Variants in ROBO2 observed in about 807,000 individuals in gnomAD.
The protein encoded by ROBO2 is roundabout homolog 2.
In ROBO2, 53 loss-of-function variants were observed where a neutral mutation model predicts 160.8. That is an observed-to-expected ratio of 0.33 (90% CI 0.26 to 0.41). The LOEUF (loss-of-function observed/expected upper bound fraction) is 0.41, where lower values mean the gene tolerates loss of function less well. Among genes scored for constraint, ROBO2 ranks in the 10% least tolerant of loss-of-function variants. The pLI, the probability that ROBO2 is intolerant of heterozygous loss-of-function variation, is 1.00. For missense variants in ROBO2, 1,577 were observed against 1,722.4 expected (o/e 0.92, Z 1.49); for synonymous variants, 664 against 611.7 (o/e 1.09, Z -1.26).
chr3:76,666,063 A>G (rs1273230182), intron 2 of ROBO2, among the ~76,000 whole-genome samples: 1 of 145,760 alleles, frequency 6.9e-6, no homozygotes, highest in Non-Finnish European at 1.5e-5. Context: ...GCCTCTAAAT[A>G]TGTTCTCCAC....
chr3:76,640,848 A>T (rs1001266097), intron 2 of ROBO2, among the ~76,000 whole-genome samples: 1 of 152,198 alleles, frequency 6.6e-6, no homozygotes, highest in African/African-American at 2.4e-5. Flanking sequence ...AAGAATCAAG[A>T]TAAGTAAAAA....
rs560421066 is a variant in ROBO2 at position 76,543,235 on chromosome 3, A to T, written c.110-554779A>T. On this transcript the variant is annotated intron_variant, in intron 2 of 26. Coordinates refer to the ROBO2 transcript ENST00000487694. ...TTATGGACTGAATTGTGTTGTCCCC[A>T]AATTTATATGTAGAAGTGTTAACCC... Among the ~76,000 whole-genome samples, 30 of 152,270 alleles carry T rather than the reference A, an allele frequency of 2.0e-4. 2 individuals are homozygous for T. In the South Asian group the frequency reaches 6.2e-3, roughly 32 times the overall value.
intron 2 of ROBO2, among the ~76,000 whole-genome samples, chr3:76,160,146 CA>C (rs1172506262): frequency 6.6e-6 from 1 of 151,856 alleles, no homozygotes; most frequent in Non-Finnish European, 1.5e-5. Context: ...TTGAGCATCG[CA>C]AAAAAACATT....
At chr3:76,201,603 A>G (rs1702531616) in intron 2 of ROBO2, among the ~76,000 whole-genome samples, 1 of 152,100 alleles carries the variant, frequency 6.6e-6, no homozygotes, top group South Asian at 2.1e-4. Flanking sequence ...CCCTCTTCAA[A>G]GCTGAGGTTA....
At chr3:76,496,998 C>G (rs1420941499) in intron 2 of ROBO2, among the ~76,000 whole-genome samples, 1 of 152,144 alleles carries the variant, frequency 6.6e-6, no homozygotes, top group Non-Finnish European at 1.5e-5. Flanking sequence ...CTACAAACTT[C>G]CCATTGCTTT....
intron 2 of ROBO2, among the ~76,000 whole-genome samples, chr3:76,803,694 A>T (rs2064433854): frequency 6.6e-6 from 1 of 152,160 alleles, no homozygotes; most frequent in Non-Finnish European, 1.5e-5. Flanking sequence ...TTATATATTT[A>T]TGCAAGACCA....
chr3:77,244,973 G>C (rs1367755993), intron 2 of ROBO2, among the ~76,000 whole-genome samples: 3 of 142,814 alleles, frequency 2.1e-5, no homozygotes, highest in Non-Finnish European at 3.0e-5. Context: ...TATCAAAAAA[G>C]CAAAGGTCTT....
At chr3:76,600,332 T>A (rs1248531761) in intron 2 of ROBO2, among the ~76,000 whole-genome samples, 2 of 152,226 alleles carry the variant, frequency 1.3e-5, no homozygotes, top group Non-Finnish European at 2.9e-5. Context: ...CAGATTTTTT[T>A]AAACCTTCTA....
intron 2 of ROBO2, among the ~76,000 whole-genome samples, chr3:77,468,749 T>C (rs983186879): frequency 6.6e-6 from 1 of 152,248 alleles, no homozygotes; most frequent in Non-Finnish European, 1.5e-5. Flanking sequence ...TTCTTGTTTA[T>C]TCAACATGCT....
At chr3:77,319,690 A>G (rs7647139) in intron 2 of ROBO2, among the ~76,000 whole-genome samples, 142,411 of 152,232 alleles carry the variant, frequency 0.94, 67,182 homozygotes, top group East Asian at 1. Flanking sequence ...CTTTTTTCAT[A>G]TGAAACTTCA....
At chr3:76,606,676 T>C (rs2087684196) in intron 2 of ROBO2, among the ~76,000 whole-genome samples, 1 of 152,136 alleles carries the variant, frequency 6.6e-6, no homozygotes, top group African/African-American at 2.4e-5. Flanking sequence ...TGTGTCTTAA[T>C]GTTTGTCTTT....
At chr3:76,683,157 G>A (rs2092606618) in intron 2 of ROBO2, among the ~76,000 whole-genome samples, 1 of 151,934 alleles carries the variant, frequency 6.6e-6, no homozygotes, top group Non-Finnish European at 1.5e-5. Flanking sequence ...GCATCCAGAG[G>A]CATATTTACT....
At chr3:77,490,043 A>T (rs533745152) in intron 4 of ROBO2, among the ~76,000 whole-genome samples, 9 of 151,046 alleles carry the variant, frequency 6.0e-5, no homozygotes, top group African/African-American at 2.2e-4. Context: ...ACTGATTTTT[A>T]ATGTCGGCAT....
At chr3:76,046,489 A>T (rs1462973681) in intron 2 of ROBO2, among the ~76,000 whole-genome samples, 1 of 151,634 alleles carries the variant, frequency 6.6e-6, no homozygotes, top group African/African-American at 2.4e-5. Context: ...CTCTACTAAA[A>T]ATACAAAAAA....
chr3:77,487,583 A>T (rs1278223570), intron 4 of ROBO2, among the ~76,000 whole-genome samples: 1 of 152,138 alleles, frequency 6.6e-6, no homozygotes, highest in Admixed American at 6.6e-5. Context: ...GACAATTCAC[A>T]TTCAATGACT....
At chr3:76,421,022 A>C (rs1450921318) in intron 2 of ROBO2, among the ~76,000 whole-genome samples, 1 of 152,242 alleles carries the variant, frequency 6.6e-6, no homozygotes, top group Non-Finnish European at 1.5e-5. Context: ...AGGACTTATC[A>C]GCAGGAAATC....
chr3:77,002,609 C>G (rs1480083368), intron 2 of ROBO2, among the ~76,000 whole-genome samples: 2 of 151,986 alleles, frequency 1.3e-5, no homozygotes, highest in African/African-American at 4.8e-5. Context: ...CTCTAATACA[C>G]AAATATAATA....
At chr3:76,885,895 G>C (rs1472658523) in intron 2 of ROBO2, among the ~76,000 whole-genome samples, 1 of 152,084 alleles carries the variant, frequency 6.6e-6, no homozygotes. Flanking sequence ...GGACACATCA[G>C]GGCTTCCTTA....
intron 2 of ROBO2, among the ~76,000 whole-genome samples, chr3:76,239,700 C>T (rs1705173787): frequency 6.6e-6 from 1 of 152,070 alleles, no homozygotes; most frequent in South Asian, 2.1e-4. Flanking sequence ...AAATTAAAGT[C>T]TTTAATTTTT....
Sources: allele counts gnomAD v4.1 joint callset (sites outside exome capture counted in the v4.1 genomes callset), GRCh38; gene constraint gnomAD v4.1.1; transcripts MANE v1.5; gene names NCBI Gene and HGNC (gene_info 2026-07-23, HGNC 2026-07-21).